The following MYLK variants were observed in gnomAD, a reference collection of about 807,000 sequenced individuals.
MYLK encodes the protein myosin light chain kinase, also known as myosin light chain kinase, smooth muscle.
MYLK carries 106 observed loss-of-function variants against 203.4 expected under a neutral mutation model. The ratio of observed to expected loss-of-function variants is 0.52; its 90% CI spans 0.45 to 0.61. The LOEUF is 0.61. Among genes scored for constraint, MYLK ranks in the 20% least tolerant of loss-of-function variants. MYLK has a pLI of 0.00. For missense variants in MYLK, 2,072 were observed against 2,442.3 expected (o/e 0.85, Z 3.20); for synonymous variants, 867 against 959.5 (o/e 0.90, Z 1.78).
At chr3:123,820,389 T>C (rs1056564703) in intron 3 of MYLK, among the ~76,000 whole-genome samples, 3 of 152,116 alleles carry the variant, frequency 2.0e-5, no homozygotes, top group Non-Finnish European at 2.9e-5. Context: ...CCTAATATAA[T>C]TTCTACTCAC....
At chr3:123,618,809 CGTT>C (rs775211284) in intron 32 of MYLK, 39 bp from the exon 33 acceptor site, 39 of 1,612,934 alleles carry the variant, frequency 2.4e-5, no homozygotes, top group African/African-American at 2.1e-4. Flanking sequence ...TTTCTTCACT[CGTT>C]GTTCTCGCCT....
chr3:123,815,514 T>G (rs1211357454), intron 3 of MYLK, among the ~76,000 whole-genome samples: 1 of 152,162 alleles, frequency 6.6e-6, no homozygotes, highest in Non-Finnish European at 1.5e-5. Context: ...ATCCTGCCAG[T>G]GGGGGCAGCT....
At chr3:123,813,205 G>A (rs1316566830) in intron 3 of MYLK, among the ~76,000 whole-genome samples, 1 of 152,184 alleles carries the variant, frequency 6.6e-6, no homozygotes, top group Non-Finnish European at 1.5e-5. Context: ...AATGCTAAAA[G>A]GTTGCAAATA....
At chr3:123,849,745 T>C (rs1442622897) in intron 2 of MYLK, among the ~76,000 whole-genome samples, 2 of 151,440 alleles carry the variant, frequency 1.3e-5, no homozygotes, top group Non-Finnish European at 3.0e-5. Context: ...GTACATTTAT[T>C]CATTTTTTTT....
At chr3:123,846,719 C>T (rs1008219582) in intron 2 of MYLK, among the ~76,000 whole-genome samples, 3 of 152,160 alleles carry the variant, frequency 2.0e-5, no homozygotes, top group African/African-American at 7.2e-5. Context: ...TTGTGGAGAA[C>T]TGGCACCTTT....
intron 24 of MYLK, among the ~76,000 whole-genome samples, chr3:123,654,857 C>T (rs895765204): frequency 1.3e-5 from 2 of 151,914 alleles, no homozygotes; most frequent in Non-Finnish European, 2.9e-5. Context: ...GCTGGGACCA[C>T]AGGCGCATGC....
rs981167959 is a variant in MYLK, at chr3:123,640,620, T to TG, written c.4620-117dup. ...GAAATTGGCAGGAAAGCCCAGGGAATGGGGGTGATGGGCAATTCCTGAATC... is the reference window on the plus strand; with the variant it reads ...GAAATTGGCAGGAAAGCCCAGGGAATGGGGGGTGATGGGCAATTCCTGAATC... On this transcript the variant is annotated intron_variant, in intron 27 of 33. Transcript: ENST00000360304. This position sits in a 1 kb window ranked among gnomAD's most constrained non-coding sequence, Gnocchi z 4.3. 17 of 1,016,836 alleles carry TG rather than the reference T, an allele frequency of 1.7e-5. No homozygotes were observed. The African/African-American group carries it at 2.5e-4, about 15-fold the overall frequency. The allele number at this position is 1,016,836 out of a possible 1,614,324, so 63.0% of individuals were successfully genotyped here.
At chr3:123,883,865 G>C (rs748732918) in intron 1 of MYLK, among the ~76,000 whole-genome samples, 6 of 152,076 alleles carry the variant, frequency 3.9e-5, no homozygotes, top group Non-Finnish European at 8.8e-5. Flanking sequence ...CCCAGAGGCC[G>C]TCACCGAGTC....
intron 3 of MYLK, 141 bp downstream of exon 3, chr3:123,831,407 G>C: frequency 7.8e-7 from 1 of 1,289,548 alleles, no homozygotes; most frequent in South Asian, 1.2e-5. Context: ...TGCTTGGGCA[G>C]CTGGCCAGGT....
At chr3:123,762,999 C>T (rs753063418) in intron 4 of MYLK, among the ~76,000 whole-genome samples, 4 of 152,286 alleles carry the variant, frequency 2.6e-5, no homozygotes, top group African/African-American at 7.2e-5. Context: ...TTTAAGCTCT[C>T]AAATCTGCCC....
intron 1 of MYLK, among the ~76,000 whole-genome samples, chr3:123,878,743 AG>A (rs2033317737): frequency 6.6e-6 from 1 of 152,116 alleles, no homozygotes. Flanking sequence ...GCTGGAGTGC[AG>A]TGGTATGATC....
intron 3 of MYLK, among the ~76,000 whole-genome samples, chr3:123,830,707 C>A (rs1346346270): frequency 2.0e-5 from 3 of 152,134 alleles, no homozygotes; most frequent in Non-Finnish European, 4.4e-5. Flanking sequence ...ACCCTCACCC[C>A]AGGCTGATGT....
rs531083255 is a variant in MYLK at position 123,752,312 on chromosome 3, C to G, written c.373+19G>C. 1 of 1,613,346 alleles carries G rather than the reference C, an allele frequency of 6.2e-7. No homozygotes were observed. The highest frequency in any genetic ancestry group is 1.1e-5 in the South Asian group (1 of 91,048). On this transcript the variant is annotated intron_variant, in intron 5 of 33. Transcript: ENST00000360304. ...TGAGAGCTCAGCTCCCTCCTGGACT[C>G]GGGCCTCCTGGGACTCACCTTCTAC...
intron 4 of MYLK, among the ~76,000 whole-genome samples, chr3:123,758,134 T>C (rs1182646187): frequency 2.0e-5 from 3 of 151,902 alleles, no homozygotes; most frequent in African/African-American, 7.3e-5. Flanking sequence ...CTCATGGGTA[T>C]GTTATGAGGG....
chr3:123,882,936 A>G (rs2033633810), intron 1 of MYLK, among the ~76,000 whole-genome samples: 1 of 152,188 alleles, frequency 6.6e-6, no homozygotes, highest in South Asian at 2.1e-4. Flanking sequence ...TTTAAGAGAA[A>G]AGAAAACAGT....
chr3:123,853,585 C>T (rs901266031), intron 2 of MYLK, among the ~76,000 whole-genome samples: 1 of 152,160 alleles, frequency 6.6e-6, no homozygotes. Context: ...CTGCCCGTCT[C>T]ACCACTATAT....
chr3:123,738,610 G>A (rs377634448), intron 7 of MYLK, among the ~76,000 whole-genome samples: 2 of 152,240 alleles, frequency 1.3e-5, no homozygotes, highest in East Asian at 3.9e-4. Flanking sequence ...ATCATAGGGT[G>A]GGTTTTCTCA....
At chr3:123,803,283 T>C (rs558568677) in intron 3 of MYLK, among the ~76,000 whole-genome samples, 1 of 152,340 alleles carries the variant, frequency 6.6e-6, no homozygotes, top group South Asian at 2.1e-4. Flanking sequence ...GCTGAATCTA[T>C]GATGACTGCT....
intron 3 of MYLK, among the ~76,000 whole-genome samples, chr3:123,817,840 T>C (rs571106237): frequency 6.6e-6 from 1 of 152,246 alleles, no homozygotes; most frequent in East Asian, 1.9e-4. Flanking sequence ...TCCTCACACA[T>C]GCAGAAACCA....
Sources: allele counts gnomAD v4.1 joint callset (sites outside exome capture counted in the v4.1 genomes callset), GRCh38; gene constraint gnomAD v4.1.1; non-coding constraint Gnocchi (gnomAD v3.1); transcripts MANE v1.5; gene names NCBI Gene and HGNC (gene_info 2026-07-23, HGNC 2026-07-21).